SYNJ2: variants seen among roughly 807,000 people sequenced by gnomAD.
SYNJ2 encodes the protein synaptojanin 2, also known as polyphosphatidylinositol phosphatase SYNJ2.
In SYNJ2, 116 loss-of-function variants were observed where a neutral mutation model predicts 141.3. That is an observed-to-expected ratio of 0.82 (90% CI 0.71 to 0.96). The LOEUF is 0.96. Among genes scored for constraint, SYNJ2 ranks in the 40% least tolerant of loss-of-function variants. SYNJ2 has a pLI of 0.00. For missense variants in SYNJ2, 1,873 were observed against 1,934.8 expected (o/e 0.97, Z 0.60); for synonymous variants, 745 against 777.7 (o/e 0.96, Z 0.70).
At chr6:158,062,244 C>T in intron 8 of SYNJ2, 80 bp downstream of exon 8, 1 of 1,559,820 alleles carries the variant, frequency 6.4e-7, no homozygotes, top group Non-Finnish European at 8.7e-7. Context: ...GCGTGCTGTG[C>T]CTTCTGCTGG....
chr6:158,005,141 G>A (rs1188265838), intron 1 of SYNJ2, among the ~76,000 whole-genome samples: 5 of 148,928 alleles, frequency 3.4e-5, no homozygotes, highest in East Asian at 2.0e-4. Context: ...GCAGTGGCGC[G>A]ATCTCGGCTC....
In SYNJ2 at chr6:157,982,107, C is replaced by A; in HGVS notation, c.127+19C>A. 7.7e-7 allele frequency: 1 copy of A among 1,302,788 alleles called. No individual in the cohort carries two copies. Among genetic ancestry groups the A allele is most frequent in the South Asian group, 2.1e-5 (1 of 47,466 alleles). The allele number at this position is 1,302,788 out of a possible 1,614,324, so 80.7% of individuals were successfully genotyped here. A position where few individuals can be genotyped will look rare whatever the true frequency, so the allele number is the denominator to read the frequency against. On this transcript the variant is annotated intron_variant, in intron 1 of 26. Coordinates refer to ENST00000355585, the MANE Select transcript of SYNJ2 (RefSeq NM_003898.4). The surrounding 1 kb of genome is among the most constrained non-coding windows in gnomAD (Gnocchi z 4.0). Reference sequence around the variant, plus strand: ...ACGCTGGGTGAGTCCGGGCCGGGGGCAGCGACGCCCGGAGGAGAGGGCGCC... The same window carrying A: ...ACGCTGGGTGAGTCCGGGCCGGGGGAAGCGACGCCCGGAGGAGAGGGCGCC...
intron 1 of SYNJ2, among the ~76,000 whole-genome samples, chr6:157,987,887 G>A (rs926489475): frequency 4.6e-5 from 7 of 152,220 alleles, no homozygotes; most frequent in African/African-American, 1.2e-4. Context: ...ATTTTTAAAA[G>A]CAAAGTGACC....
intron 1 of SYNJ2, among the ~76,000 whole-genome samples, chr6:157,998,007 G>C (rs550727944): frequency 1.3e-5 from 2 of 152,238 alleles, no homozygotes; most frequent in South Asian, 4.1e-4. Flanking sequence ...TGGTTGATCA[G>C]TGCAGTGCCT....
chr6:158,081,246 A>G lies in SYNJ2; in HGVS notation c.2705A>G (p.Glu902Gly). Residue 902 changes from glutamate to glycine, a missense_variant, in exon 19 of 27, where the codon GAA becomes GGA. By Grantham distance (98) the Glu-to-Gly change is moderately conservative. Coordinates refer to ENST00000355585, the MANE Select transcript of SYNJ2 (RefSeq NM_003898.4). ...VVVNLQSPTL[E>G]EKNEFPEDLR... ...GTAAACCTTCAATCACCGACCTTAG[A>G]AGAGAAAAACGAGTTTCCAGAGGAC... The G allele has an allele frequency of 6.2e-7, 1 of 1,614,140 alleles. No individual in the cohort carries two copies.
chr6:158,036,259 C>T (rs1779631126), intron 4 of SYNJ2, among the ~76,000 whole-genome samples: 3 of 152,298 alleles, frequency 2.0e-5, no homozygotes, highest in Middle Eastern at 3.4e-3. Context: ...GAAAAAGGAA[C>T]GCTCATACGC....
Position 158,066,605 on chromosome 6 carries a change from C to T in SYNJ2, c.1687C>T (p.Pro563Ser), listed in dbSNP as rs781556364. ...GCTGACAGACTGGCTGCTCGACTCGCCCCAGCTCTCGGGAGCTACCGACTC... is the reference window on the plus strand; with the variant it reads ...GCTGACAGACTGGCTGCTCGACTCGTCCCAGCTCTCGGGAGCTACCGACTC... ...AELTDWLLDS[P>S]QLSGATDSQD... Residue 563 changes from proline (P) to serine (S), a missense_variant, in exon 12 of 27, where the codon CCC becomes TCC. Pro to Ser is a moderately conservative substitution (Grantham distance 74). Transcript: ENST00000355585. 6.2e-7 allele frequency: 1 copy of T among 1,613,864 alleles called. No homozygotes were observed. Among genetic ancestry groups the T allele is most frequent in the Admixed American group, 1.7e-5 (1 of 60,028 alleles).
chr6:158,057,891 G>A (rs374473739), intron 6 of SYNJ2, among the ~76,000 whole-genome samples: 36 of 152,332 alleles, frequency 2.4e-4, no homozygotes, highest in African/African-American at 8.2e-4. Context: ...CCCGCCCCAG[G>A]GCTGCCTGGA....
At chr6:158,073,041 G>A (rs1214342114) in intron 15 of SYNJ2, among the ~76,000 whole-genome samples, 2 of 143,132 alleles carry the variant, frequency 1.4e-5, no homozygotes, top group Non-Finnish European at 3.0e-5. Context: ...CTACACTCCA[G>A]CCTCGGCAAC....
chr6:158,067,525 T>C, intron 12 of SYNJ2: 1 of 985,484 alleles, frequency 1.0e-6, no homozygotes, highest in Non-Finnish European at 1.2e-6. Flanking sequence ...AAATGATTCT[T>C]GTCCAGTCAT....
chr6:158,016,097 T>C (rs1026178298), intron 1 of SYNJ2, among the ~76,000 whole-genome samples: 3 of 152,294 alleles, frequency 2.0e-5, no homozygotes, highest in African/African-American at 2.4e-5. Context: ...AATGTGCCTG[T>C]TCTGGACGTT....
chr6:158,093,521 AGTCCCAGACACAG>A (rs1373759111), intron 26 of SYNJ2, among the ~76,000 whole-genome samples: 1 of 151,872 alleles, frequency 6.6e-6, no homozygotes, highest in South Asian at 2.1e-4. Flanking sequence ...CACGTTCATG[AGTCCCAGACACAG>A]GTGTGTCTTT....
chr6:158,006,931 C>T (rs1286869245), intron 1 of SYNJ2, among the ~76,000 whole-genome samples: 1 of 152,082 alleles, frequency 6.6e-6, no homozygotes, highest in Non-Finnish European at 1.5e-5. Context: ...ACCTCAGCCT[C>T]CCAAAGTGCT....
intron 1 of SYNJ2, among the ~76,000 whole-genome samples, chr6:157,990,413 C>G (rs893796969): frequency 2.0e-5 from 3 of 152,218 alleles, no homozygotes; most frequent in Non-Finnish European, 2.9e-5. Context: ...CCACACACCC[C>G]CTGAGGACAG....
At chr6:158,075,513 C>T (rs944134025) in intron 16 of SYNJ2, among the ~76,000 whole-genome samples, 49 of 151,898 alleles carry the variant, frequency 3.2e-4, no homozygotes, top group Admixed American at 5.9e-4. Flanking sequence ...TGGTGGCAGG[C>T]GCCTGTAATC....
Position 158,043,252 on chromosome 6 carries a change from C to T in SYNJ2, c.712-64C>T, listed in dbSNP as rs1414922373. On this transcript the variant is annotated intron_variant, in intron 4 of 26. Coordinates refer to ENST00000355585, the MANE Select transcript of SYNJ2 (RefSeq NM_003898.4). This position sits in a 1 kb window ranked among gnomAD's most constrained non-coding sequence, Gnocchi z 4.0. ...GGTCACAGGTGGCCGGATCCCGTTA[C>T]CCAGCCCAGGACGTTCGGTTTCATT... The T allele has an allele frequency of 8.8e-6, 13 of 1,475,628 alleles. No homozygotes were observed. The highest frequency in any genetic ancestry group is 6.8e-5 in the East Asian group (3 of 43,894). The allele number at this position is 1,475,628 out of a possible 1,614,324, so 91.4% of individuals were successfully genotyped here. A position where few individuals can be genotyped will look rare whatever the true frequency, so the allele number is the denominator to read the frequency against.
chr6:158,090,760 G>A (rs1019967260), intron 25 of SYNJ2, among the ~76,000 whole-genome samples: 1 of 151,724 alleles, frequency 6.6e-6, no homozygotes, highest in Non-Finnish European at 1.5e-5. Context: ...GGCCAGGCTG[G>A]TCTTGAACTC....
intron 2 of SYNJ2, among the ~76,000 whole-genome samples, chr6:158,023,616 C>T (rs1233263026): frequency 6.6e-6 from 1 of 152,118 alleles, no homozygotes; most frequent in Non-Finnish European, 1.5e-5. Flanking sequence ...TTCTTATTCC[C>T]CTCTGAGGTC....
intron 1 of SYNJ2, among the ~76,000 whole-genome samples, chr6:158,010,964 G>C (rs1364771931): frequency 4.0e-5 from 6 of 150,298 alleles, no homozygotes; most frequent in African/African-American, 1.5e-4. Context: ...CAGGACATGT[G>C]GGGAGGGGAT....
Sources: gnomAD v4.1 joint callset for allele counts (sites outside exome capture counted in the v4.1 genomes callset) on GRCh38, gnomAD v4.1.1 for gene constraint, Gnocchi (gnomAD v3.1) non-coding constraint, MANE v1.5 for transcripts, NCBI Gene and HGNC (gene_info 2026-07-23, HGNC 2026-07-21) for gene names.